CA10: variants seen among roughly 807,000 people sequenced by gnomAD.
CA10 encodes carbonic anhydrase 10 (inactive).
A neutral mutation model predicts 44.2 loss-of-function variants in CA10; 14 were observed. That is an observed-to-expected ratio of 0.32 (90% confidence interval 0.21 to 0.50). The LOEUF (loss-of-function observed/expected upper bound fraction) is 0.50, where lower values mean the gene tolerates loss of function less well. CA10 is among the 20% of genes least tolerant of loss of function. The pLI, the probability that CA10 is intolerant of heterozygous loss-of-function variation, is 0.99. For synonymous variants in CA10, 159 were observed against 141.6 expected (o/e 1.12, Z -0.87); for missense variants, 350 against 409.7 (o/e 0.85, Z 1.26).
At chr17:52,108,869 A>C (rs529606112) in intron 1 of CA10, among the ~76,000 whole-genome samples, 1 of 152,154 alleles carries the variant, frequency 6.6e-6, no homozygotes, top group African/African-American at 2.4e-5. Flanking sequence ...GAACTTACCC[A>C]TGTAATCAAA....
intron 2 of CA10, among the ~76,000 whole-genome samples, chr17:52,019,756 T>C (rs1321154563): frequency 6.6e-6 from 1 of 152,048 alleles, no homozygotes; most frequent in African/African-American, 2.4e-5. Context: ...GCAAGAAATA[T>C]TTTGTAATTT....
chr17:51,936,142 G>A (rs1251672059), intron 2 of CA10, among the ~76,000 whole-genome samples: 2 of 152,118 alleles, frequency 1.3e-5, no homozygotes, highest in African/African-American at 4.8e-5. Context: ...CCAGGCATTA[G>A]GGTTGGCACT....
At chr17:52,135,071 T>C (rs1323540341) in intron 1 of CA10, 1 of 450,804 alleles carries the variant, frequency 2.2e-6, no homozygotes, top group East Asian at 6.8e-5. Flanking sequence ...AAAAATGGAA[T>C]CCTAAGCCCC....
At chr17:52,158,980 C>A (rs1483709897), upstream of CA10, among the ~76,000 whole-genome samples, 1 of 152,126 alleles carries the variant, frequency 6.6e-6, no homozygotes, top group Non-Finnish European at 1.5e-5. Context: ...GCCACCTTGG[C>A]CGCCGCCTCG....
chr17:51,668,130 C>A (rs1914274210), intron 4 of CA10, among the ~76,000 whole-genome samples: 1 of 152,204 alleles, frequency 6.6e-6, no homozygotes, highest in Non-Finnish European at 1.5e-5. Flanking sequence ...TCCAGTAGAA[C>A]TGGGTCAGCT....
intron 2 of CA10, among the ~76,000 whole-genome samples, chr17:51,947,483 A>G (rs543998720): frequency 2.0e-5 from 3 of 152,298 alleles, no homozygotes; most frequent in African/African-American, 7.2e-5. Flanking sequence ...GTAAAGGCAC[A>G]TTATACTCAG....
chr17:51,807,360 C>T (rs2143730869), intron 3 of CA10, among the ~76,000 whole-genome samples: 1 of 152,300 alleles, frequency 6.6e-6, no homozygotes, highest in African/African-American at 2.4e-5. Flanking sequence ...CATGCATTCT[C>T]AGAGTGAAAA....
chr17:51,836,844 A>G (rs1445279703), intron 3 of CA10, among the ~76,000 whole-genome samples: 1 of 152,082 alleles, frequency 6.6e-6, no homozygotes, highest in East Asian at 1.9e-4. Flanking sequence ...ATACTCCCCA[A>G]AGAGGAATAT....
intron 1 of CA10, among the ~76,000 whole-genome samples, chr17:52,097,489 T>G (rs1374272727): frequency 6.6e-6 from 1 of 152,236 alleles, no homozygotes; most frequent in Non-Finnish European, 1.5e-5. Context: ...CTTGCACTTC[T>G]AATTTTCAGA....
At chr17:51,750,237 C>A (rs1350419706) in intron 3 of CA10, among the ~76,000 whole-genome samples, 1 of 152,048 alleles carries the variant, frequency 6.6e-6, no homozygotes, top group Non-Finnish European at 1.5e-5. Flanking sequence ...CAGGAATCAC[C>A]ACTAATATTT....
intron 4 of CA10, among the ~76,000 whole-genome samples, chr17:51,744,078 G>T (rs1275806619): frequency 6.6e-6 from 1 of 152,072 alleles, no homozygotes; most frequent in Non-Finnish European, 1.5e-5. Context: ...TCAGCACTTC[G>T]GGAGGCCGAG....
chr17:51,849,145 T>TTATATATATACATATATGTATA lies in CA10; in HGVS notation c.279+81823_279+81844dup, dbSNP rs1978630331. On this transcript the variant is annotated intron_variant, in intron 3 of 8. Transcript: ENST00000451037. ...TATATAAATATAAAAACTTAGTTTTTTATATATATACATATATGTATATAT... is the reference window on the plus strand; with the variant it reads ...TATATAAATATAAAAACTTAGTTTTTTATATATATACATATATGTATATATATATATACATATATGTATATAT... Among the ~76,000 whole-genome samples, 4 of 127,934 alleles carry TTATATATATACATATATGTATA rather than the reference T, an allele frequency of 3.1e-5. No individual in the cohort carries two copies. The South Asian group carries it at 7.9e-4, about 25-fold the overall frequency. The allele number at this position is 127,934 out of a possible 152,430, so 83.9% of individuals were successfully genotyped here.
chr17:51,959,275 T>TCG (rs1555614162), intron 2 of CA10, among the ~76,000 whole-genome samples: 7 of 102,030 alleles, frequency 6.9e-5, no homozygotes, highest in Admixed American at 3.1e-4. Flanking sequence ...TCTCTCGCTC[T>TCG]CTCTCTCTGT....
At chr17:51,868,694 C>G (rs1979663262) in intron 3 of CA10, among the ~76,000 whole-genome samples, 1 of 152,096 alleles carries the variant, frequency 6.6e-6, no homozygotes, top group South Asian at 2.1e-4. Flanking sequence ...ACCTGGTATT[C>G]TGACATCTCC....
At chr17:51,668,316 C>CAG (rs375833805) in intron 4 of CA10, among the ~76,000 whole-genome samples, 31 of 151,444 alleles carry the variant, frequency 2.0e-4, no homozygotes, top group Admixed American at 9.9e-4. Flanking sequence ...TTTCTCAGTC[C>CAG]AGAGAGAGAG....
intron 3 of CA10, among the ~76,000 whole-genome samples, chr17:51,848,104 AT>A (rs1281107965): frequency 6.6e-6 from 1 of 152,176 alleles, no homozygotes; most frequent in Non-Finnish European, 1.5e-5. Context: ...GATAAGTAAT[AT>A]TTTCATGCAA....
chr17:51,786,267 T>C (rs1221998393), intron 3 of CA10, among the ~76,000 whole-genome samples: 1 of 150,980 alleles, frequency 6.6e-6, no homozygotes, highest in East Asian at 2.0e-4. Flanking sequence ...AAATATAAGG[T>C]CAGGGAGGAC....
At chr17:52,045,550 A>G (rs1459847508) in intron 2 of CA10, among the ~76,000 whole-genome samples, 1 of 152,074 alleles carries the variant, frequency 6.6e-6, no homozygotes, top group African/African-American at 2.4e-5. Context: ...GAGGAGGGCA[A>G]TGGAACTATA....
chr17:52,114,553 T>C (rs1988851125), intron 1 of CA10, among the ~76,000 whole-genome samples: 1 of 152,228 alleles, frequency 6.6e-6, no homozygotes, highest in Non-Finnish European at 1.5e-5. Context: ...CTTATAAATA[T>C]AAGCTGGCAT....
Sources: gnomAD v4.1 joint callset for allele counts (sites outside exome capture counted in the v4.1 genomes callset) on GRCh38, gnomAD v4.1.1 for gene constraint, MANE v1.5 for transcripts, NCBI Gene and HGNC (gene_info 2026-07-23, HGNC 2026-07-21) for gene names.